COX7B2: variants seen among roughly 807,000 people sequenced by gnomAD.
The protein encoded by COX7B2 is cytochrome c oxidase subunit 7B2, also known as cytochrome c oxidase subunit 7B2, mitochondrial.
For synonymous variants in COX7B2, 37 were observed against 32.1 expected (o/e 1.15, Z -0.51); for missense variants, 109 against 95.9 (o/e 1.14, Z -0.57).
intron 2 of COX7B2, among the ~76,000 whole-genome samples, chr4:46,825,693 C>T (rs930795838): frequency 6.6e-6 from 1 of 152,010 alleles, no homozygotes; most frequent in Non-Finnish European, 1.5e-5. Context: ...GAACATCGAC[C>T]AATGGAACAG....
At chr4:46,886,892 C>T (rs1719115057) in intron 1 of COX7B2, among the ~76,000 whole-genome samples, 1 of 152,100 alleles carries the variant, frequency 6.6e-6, no homozygotes, top group South Asian at 2.1e-4. Context: ...AGAGAAAACC[C>T]TTATGTGTAC....
Position 46,902,878 on chromosome 4 carries a change from A to G in COX7B2, c.-105+6282T>C, listed in dbSNP as rs192575295. On this transcript the variant is annotated intron_variant, in intron 1 of 2. Coordinates refer to ENST00000355591, the MANE Select transcript of COX7B2 (RefSeq NM_130902.3). ...GGTAACAGAGGGAGACCCTGTCTCA[A>G]AATAATAAATAAATAAAAATAAAAA... is the stretch of plus-strand genomic sequence containing the variant. Among the ~76,000 whole-genome samples, 24 of 152,278 alleles carry G rather than the reference A, an allele frequency of 1.6e-4. No individual in the cohort carries two copies. The East Asian group carries it at 2.9e-3, about 18-fold the overall frequency.
chr4:46,786,652 T>C (rs544019627), intron 2 of COX7B2, among the ~76,000 whole-genome samples: 2 of 152,338 alleles, frequency 1.3e-5, no homozygotes, highest in East Asian at 3.9e-4. Flanking sequence ...TTCTTCACCT[T>C]AGGGTTTACA....
At chr4:46,887,473 A>G (rs954254621) in intron 1 of COX7B2, among the ~76,000 whole-genome samples, 2 of 152,068 alleles carry the variant, frequency 1.3e-5, no homozygotes, top group East Asian at 1.9e-4. Flanking sequence ...GCACTTTGGG[A>G]GGCCAAGGCA....
chr4:46,895,555 C>A (rs1038081524), intron 1 of COX7B2, among the ~76,000 whole-genome samples: 5 of 151,950 alleles, frequency 3.3e-5, no homozygotes, highest in Admixed American at 2.0e-4. Flanking sequence ...GGCTTAGTAC[C>A]CGAGTGACAA....
chr4:46,767,177 A>G (rs570589782), intron 2 of COX7B2, among the ~76,000 whole-genome samples: 1 of 152,348 alleles, frequency 6.6e-6, no homozygotes, highest in Admixed American at 6.5e-5. Context: ...AAGATATTCC[A>G]CGCAAGTGGC....
At chr4:46,874,980 C>G (rs775006111) in intron 1 of COX7B2, among the ~76,000 whole-genome samples, 2 of 152,136 alleles carry the variant, frequency 1.3e-5, no homozygotes, top group Admixed American at 1.3e-4. Flanking sequence ...TTCCTGCCAC[C>G]TAGTACTGCT....
At chr4:46,757,562 C>A (rs1162544965) in intron 2 of COX7B2, among the ~76,000 whole-genome samples, 1 of 152,118 alleles carries the variant, frequency 6.6e-6, no homozygotes, top group African/African-American at 2.4e-5. Context: ...ATTTGTCTTA[C>A]TTCTACAAAA....
At chr4:46,791,577 C>A (rs1718049664) in intron 2 of COX7B2, among the ~76,000 whole-genome samples, 1 of 152,190 alleles carries the variant, frequency 6.6e-6, no homozygotes, top group Non-Finnish European at 1.5e-5. Context: ...TGACCAGGAA[C>A]CTCCAAAATT....
intron 1 of COX7B2, among the ~76,000 whole-genome samples, chr4:46,908,098 G>A (rs567616960): frequency 4.1e-4 from 62 of 151,736 alleles, no homozygotes; most frequent in Non-Finnish European, 8.0e-4. Flanking sequence ...TGATCCTCCC[G>A]CCTCGGCCTC....
intron 2 of COX7B2, among the ~76,000 whole-genome samples, chr4:46,798,398 G>A (rs952409185): frequency 1.3e-5 from 2 of 152,210 alleles, no homozygotes; most frequent in Non-Finnish European, 2.9e-5. Context: ...GGCCATCAAA[G>A]GAAGGCTCTA....
chr4:46,808,764 A>G (rs946711307), intron 2 of COX7B2, among the ~76,000 whole-genome samples: 1 of 151,898 alleles, frequency 6.6e-6, no homozygotes, highest in Non-Finnish European at 1.5e-5. Flanking sequence ...GGAGTACACC[A>G]GTGCTTTTTC....
chr4:46,760,273 C>A (rs1335148295), intron 2 of COX7B2, among the ~76,000 whole-genome samples: 1 of 152,122 alleles, frequency 6.6e-6, no homozygotes, highest in Non-Finnish European at 1.5e-5. Context: ...TTTATTGCAG[C>A]CCTTTTCACA....
In COX7B2 at chr4:46,904,762, C is replaced by T. The variant is rs568078727; in HGVS notation, c.-105+4398G>A. 4.6e-5 allele frequency among the ~76,000 whole-genome samples: 7 copies of T among 151,888 alleles called. No homozygotes were observed. In the South Asian group the frequency reaches 6.2e-4, roughly 13 times the overall value. ...ATCACAAAATATTAATTCCATGCAA[C>T]GAGGAAAAGTTTTCCACATATTGAA... On this transcript the variant is annotated intron_variant, in intron 1 of 2. Transcript: ENST00000355591.
chr4:46,754,720 G>GTATATATATATATATA lies in COX7B2; in HGVS notation c.-49-19480_-49-19479insTATATATATATATATA, dbSNP rs1244503006. Among the ~76,000 whole-genome samples, 116 of 36,576 alleles carry GTATATATATATATATA rather than the reference G, an allele frequency of 3.2e-3. 1 individual carries two copies. Among genetic ancestry groups the GTATATATATATATATA allele is most frequent in the African/African-American group, 4.5e-3 (33 of 7,334 alleles). The allele number at this position is 36,576 out of a possible 152,430, so 24.0% of individuals were successfully genotyped here. A position where few individuals can be genotyped will look rare whatever the true frequency, so the allele number is the denominator to read the frequency against. On this transcript the variant is annotated intron_variant, in intron 2 of 2. Coordinates refer to ENST00000355591, the MANE Select transcript of COX7B2 (RefSeq NM_130902.3). ...TACGTGTGTGTGTGTGTGTGTGTGT[G>GTATATATATATATATA]TGTGTGTGTATATATATATATATAT...
intron 2 of COX7B2, among the ~76,000 whole-genome samples, chr4:46,802,295 TGGAAAGGCTAATCGTTTAAA>T (rs1232777049): frequency 6.6e-6 from 1 of 152,110 alleles, no homozygotes; most frequent in Non-Finnish European, 1.5e-5. Context: ...CATGTTTCAC[TGGAAAGGCTAATCGTTTAAA>T]GGAAATATAC....
At chr4:46,739,094 T>A (rs929064214) in intron 2 of COX7B2, among the ~76,000 whole-genome samples, 5 of 152,080 alleles carry the variant, frequency 3.3e-5, no homozygotes, top group African/African-American at 9.7e-5. Flanking sequence ...AACAGTGTAG[T>A]AAGGAAACTA....
chr4:46,797,092 TAAAAAAAAAAAAAAAAAAA>T (rs762801656), intron 2 of COX7B2, among the ~76,000 whole-genome samples: 1 of 62,580 alleles, frequency 1.6e-5, no homozygotes. Flanking sequence ...TAGAGTATAA[TAAAAAAAAAAAAAAAAAAA>T]AAAAAAAAAA....
intron 2 of COX7B2, among the ~76,000 whole-genome samples, chr4:46,797,219 G>A (rs1458716625): frequency 1.3e-5 from 2 of 149,872 alleles, no homozygotes; most frequent in East Asian, 4.0e-4. Context: ...GGGATCTATA[G>A]CCCTTTGCCA....
Sources: gnomAD v4.1 joint callset for allele counts (sites outside exome capture counted in the v4.1 genomes callset) on GRCh38, gnomAD v4.1.1 for gene constraint, MANE v1.5 for transcripts, NCBI Gene and HGNC (gene_info 2026-07-23, HGNC 2026-07-21) for gene names.